The following ATP6V1H variants were observed in gnomAD, a reference collection of about 807,000 sequenced individuals.
ATP6V1H encodes ATPase H+ transporting V1 subunit H, also known as V-type proton ATPase subunit H.
Under a neutral mutation model 71.7 loss-of-function variants are expected in ATP6V1H, and 39 were observed. That is an observed-to-expected ratio of 0.54 (90% CI 0.42 to 0.71). The LOEUF (loss-of-function observed/expected upper bound fraction) is 0.71. Ranked by LOEUF, ATP6V1H falls within the 30% of genes least tolerant of loss-of-function variation. The pLI is 0.00. For synonymous variants in ATP6V1H, 192 were observed against 199.3 expected, an observed-to-expected ratio of 0.96 and a Z score of 0.31; for missense variants, 509 against 594.9, an observed-to-expected ratio of 0.86 and a Z score of 1.50.
chr8:53,753,515 C>G (rs1482839918), intron 12 of ATP6V1H, among the ~76,000 whole-genome samples: 5 of 152,158 alleles, frequency 3.3e-5, no homozygotes, highest in Admixed American at 6.5e-5. Flanking sequence ...CACAACATAT[C>G]CAAAAGAAAC....
At chr8:53,839,123 A>G (rs1169889143) in intron 2 of ATP6V1H, among the ~76,000 whole-genome samples, 1 of 152,246 alleles carries the variant, frequency 6.6e-6, no homozygotes, top group African/African-American at 2.4e-5. Context: ...GTCATAGACC[A>G]TGGGTAACGA....
chr8:53,812,956 A>C (rs1810330195), intron 6 of ATP6V1H, among the ~76,000 whole-genome samples: 1 of 152,158 alleles, frequency 6.6e-6, no homozygotes, highest in African/African-American at 2.4e-5. Flanking sequence ...CAGCCTCCCA[A>C]AGTGCTAGGA....
chr8:53,807,094 C>T (rs2130451500), intron 7 of ATP6V1H, among the ~76,000 whole-genome samples: 1 of 152,302 alleles, frequency 6.6e-6, no homozygotes, highest in East Asian at 1.9e-4. Flanking sequence ...TGATGTGGCC[C>T]ACTGATTTCT....
chr8:53,781,994 T>C (rs1314580472), intron 9 of ATP6V1H, among the ~76,000 whole-genome samples: 1 of 152,244 alleles, frequency 6.6e-6, no homozygotes, highest in Non-Finnish European at 1.5e-5. Flanking sequence ...AGCTTTGTTC[T>C]TTTGGCTTAG....
At chr8:53,762,831 T>G (rs145196892) in intron 11 of ATP6V1H, among the ~76,000 whole-genome samples, 25 of 149,710 alleles carry the variant, frequency 1.7e-4, no homozygotes, top group Non-Finnish European at 3.2e-4. Context: ...CACTTACACA[T>G]GGATTTTCTT....
intron 13 of ATP6V1H, 24 bp from the exon 14 acceptor site, chr8:53,716,048 G>A (rs1806412604): frequency 6.3e-7 from 1 of 1,584,556 alleles, no homozygotes; most frequent in Non-Finnish European, 8.6e-7. Flanking sequence ...ATGAAGTAAG[G>A]AGAATGAGAA....
At chr8:53,808,164 C>T (rs534401453) in intron 7 of ATP6V1H, among the ~76,000 whole-genome samples, 2 of 152,252 alleles carry the variant, frequency 1.3e-5, no homozygotes, top group South Asian at 2.1e-4. Context: ...CTTGCCTATG[C>T]GTACTGTAAA....
intron 13 of ATP6V1H, among the ~76,000 whole-genome samples, chr8:53,722,595 G>A (rs911331726): frequency 6.6e-6 from 1 of 152,084 alleles, no homozygotes; most frequent in African/African-American, 2.4e-5. Context: ...GTATGACAGT[G>A]GAGATGGTGT....
chr8:53,814,837 G>T (rs1242261598), intron 5 of ATP6V1H, 71 bp from the exon 6 acceptor site: 6 of 1,039,308 alleles, frequency 5.8e-6, no homozygotes, highest in East Asian at 5.1e-5. Flanking sequence ...CTTAAAAAAA[G>T]GATTTGTAAC....
intron 12 of ATP6V1H, among the ~76,000 whole-genome samples, chr8:53,752,880 T>C (rs1244111767): frequency 1.3e-5 from 2 of 152,220 alleles, no homozygotes; most frequent in South Asian, 2.1e-4. Context: ...AAGTCTATTC[T>C]AGATAACCTG....
At chr8:53,839,554 C>T in intron 2 of ATP6V1H, 2 of 938,218 alleles carry the variant, frequency 2.1e-6, no homozygotes, top group Non-Finnish European at 2.5e-6. Context: ...CTAACCAATT[C>T]TATCTATTCC....
chr8:53,836,650 A>G (rs1481440645), intron 2 of ATP6V1H, among the ~76,000 whole-genome samples: 1 of 152,126 alleles, frequency 6.6e-6, no homozygotes, highest in Non-Finnish European at 1.5e-5. Context: ...CTTCAAAACC[A>G]TCTTCTTACC....
chr8:53,731,326 A>G (rs1472621160), intron 13 of ATP6V1H, among the ~76,000 whole-genome samples: 1 of 152,198 alleles, frequency 6.6e-6, no homozygotes, highest in Non-Finnish European at 1.5e-5. Flanking sequence ...TACCTCAGAA[A>G]AAGAAAGAGG....
intron 9 of ATP6V1H, among the ~76,000 whole-genome samples, chr8:53,783,379 G>A (rs190527357): frequency 0.017 from 2,602 of 152,070 alleles, 53 homozygotes; most frequent in African/African-American, 0.046. Flanking sequence ...CTGTGGGGTC[G>A]GTGGTGATAT....
chr8:53,793,052 G>A (rs748125831), intron 9 of ATP6V1H, among the ~76,000 whole-genome samples: 52 of 152,076 alleles, frequency 3.4e-4, no homozygotes, highest in African/African-American at 1.2e-3. Flanking sequence ...ATTAACTACC[G>A]ACACCTAGAA....
chr8:53,842,565 G>T (rs1311580997), intron 1 of ATP6V1H: 1 of 152,188 alleles, frequency 6.6e-6, no homozygotes, highest in Non-Finnish European at 1.5e-5. Flanking sequence ...CTCTGTATCT[G>T]AAGATTTGCT....
chr8:53,742,838 G>A (rs1807462937), intron 13 of ATP6V1H, among the ~76,000 whole-genome samples: 1 of 152,164 alleles, frequency 6.6e-6, no homozygotes, highest in Non-Finnish European at 1.5e-5. Flanking sequence ...ATTTGTTCCT[G>A]ATGCCTTAAC....
intron 4 of ATP6V1H, among the ~76,000 whole-genome samples, chr8:53,823,703 T>C (rs1810734541): frequency 1.3e-5 from 2 of 152,162 alleles, no homozygotes; most frequent in African/African-American, 4.8e-5. Flanking sequence ...CTCAAACTCT[T>C]GACCTCATGA....
intron 13 of ATP6V1H, among the ~76,000 whole-genome samples, chr8:53,737,949 T>C (rs1283234705): frequency 6.6e-6 from 1 of 152,094 alleles, no homozygotes; most frequent in Non-Finnish European, 1.5e-5. Context: ...CTATAAAACA[T>C]TTTTTCCCCC....
Sources: allele counts gnomAD v4.1 joint callset (sites outside exome capture counted in the v4.1 genomes callset), GRCh38; gene constraint gnomAD v4.1.1; transcripts MANE v1.5; gene names NCBI Gene and HGNC (gene_info 2026-07-23, HGNC 2026-07-21).